Variants in MTCL3 observed in about 807,000 individuals in gnomAD.
MTCL3 encodes the protein microtubule cross-linking factor 3.
chr6:127,510,922 G>T, the MTCL3 span, among the ~76,000 whole-genome samples: 3 of 152,126 alleles, frequency 2.0e-5, no homozygotes, highest in Non-Finnish European at 2.9e-5. Context: ...ATTTACAGAG[G>T]TAATCAAATT....
At chr6:127,476,351 T>G in the MTCL3 span, 3 of 1,614,224 alleles carry the variant, frequency 1.9e-6, no homozygotes, top group Non-Finnish European at 2.5e-6. This position sits in a 1 kb window ranked among gnomAD's most constrained non-coding sequence, Gnocchi z 4.4. Flanking sequence ...GATCTGTACT[T>G]CTGGAGCTCG....
chr6:127,486,961 A>C, the MTCL3 span, among the ~76,000 whole-genome samples: 1 of 152,220 alleles, frequency 6.6e-6, no homozygotes, highest in Admixed American at 6.5e-5. Context: ...TGATAAAATT[A>C]AAGAGAGATT....
chr6:127,518,107 G>A, the MTCL3 span, among the ~76,000 whole-genome samples: 4 of 152,106 alleles, frequency 2.6e-5, no homozygotes, highest in African/African-American at 9.7e-5. Context: ...AAATATAAAG[G>A]TGAACAAAGA....
the MTCL3 span, among the ~76,000 whole-genome samples, chr6:127,489,453 G>C: frequency 6.6e-6 from 1 of 152,212 alleles, no homozygotes; most frequent in East Asian, 1.9e-4. Flanking sequence ...GGTGACGTAG[G>C]CATGTCCAAA....
chr6:127,482,811 G>T, the MTCL3 span: 1 of 838,652 alleles, frequency 1.2e-6, no homozygotes, highest in Non-Finnish European at 1.8e-6. This position sits in a 1 kb window ranked among gnomAD's most constrained non-coding sequence, Gnocchi z 4.1. Flanking sequence ...ACTTTGTTTT[G>T]CATAAGTTTA....
the MTCL3 span, chr6:127,483,124 A>T: frequency 8.1e-6 from 5 of 617,456 alleles, no homozygotes; most frequent in African/African-American, 9.6e-5. Flanking sequence ...GGAGGAAAAA[A>T]AATCCTAAAC....
chr6:127,515,502 C>T, the MTCL3 span: 4 of 1,427,362 alleles, frequency 2.8e-6, no homozygotes, highest in Non-Finnish European at 3.7e-6. The surrounding 1 kb of genome is among the most constrained non-coding windows in gnomAD (Gnocchi z 4.3). Context: ...CGGGTCCCCC[C>T]ACCCTCCTCA....
At chr6:127,516,690 C>T in the MTCL3 span, 7 of 1,516,006 alleles carry the variant, frequency 4.6e-6, no homozygotes, top group Non-Finnish European at 6.2e-6. Context: ...CGCCGCCAAC[C>T]TTCCTTCCTA....
chr6:127,503,850 C>T, the MTCL3 span, among the ~76,000 whole-genome samples: 4 of 152,158 alleles, frequency 2.6e-5, no homozygotes, highest in Non-Finnish European at 5.9e-5. Flanking sequence ...ATGGAAAGAG[C>T]CCTGGTTCAC....
chr6:127,498,403 C>G, the MTCL3 span, among the ~76,000 whole-genome samples: 17 of 152,050 alleles, frequency 1.1e-4, no homozygotes, highest in African/African-American at 4.1e-4. Context: ...GCCCAGTGGA[C>G]TAACAATAAT....
At chr6:127,493,879 A>G in the MTCL3 span, among the ~76,000 whole-genome samples, 4 of 152,134 alleles carry the variant, frequency 2.6e-5, no homozygotes, top group Admixed American at 1.3e-4. Flanking sequence ...TTCTTTTCCC[A>G]TGTGATAAAG....
chr6:127,515,815 T>C, the MTCL3 span: 1 of 1,608,610 alleles, frequency 6.2e-7, no homozygotes, highest in South Asian at 1.1e-5. This position sits in a 1 kb window ranked among gnomAD's most constrained non-coding sequence, Gnocchi z 4.3. Flanking sequence ...TGCCGCCCGC[T>C]CCTTCTTGAG....
the MTCL3 span, among the ~76,000 whole-genome samples, chr6:127,477,389 T>C: frequency 6.6e-6 from 1 of 152,340 alleles, no homozygotes; most frequent in South Asian, 2.1e-4. Context: ...CTGAAGCATG[T>C]TATTATGTCT....
At chr6:127,490,266 T>C in the MTCL3 span, among the ~76,000 whole-genome samples, 1 of 152,198 alleles carries the variant, frequency 6.6e-6, no homozygotes, top group East Asian at 1.9e-4. Flanking sequence ...AAAAGATTAC[T>C]GCTCGTTGAT....
At chr6:127,507,458 G>A in the MTCL3 span, among the ~76,000 whole-genome samples, 213 of 152,206 alleles carry the variant, frequency 1.4e-3, 1 homozygote, top group African/African-American at 4.9e-3. Context: ...TCTAATGGGG[G>A]CTTGGCATCT....
the MTCL3 span, among the ~76,000 whole-genome samples, chr6:127,501,812 T>C: frequency 6.6e-6 from 1 of 152,194 alleles, no homozygotes; most frequent in African/African-American, 2.4e-5. Context: ...TAAAGATCAA[T>C]TTAACTGATC....
At chr6:127,479,170 A>G in the MTCL3 span, among the ~76,000 whole-genome samples, 1 of 152,138 alleles carries the variant, frequency 6.6e-6, no homozygotes, top group South Asian at 2.1e-4. Flanking sequence ...CAAGGGGTGG[A>G]TTATTCATGC....
chr6:127,474,774 T>A, the MTCL3 span, among the ~76,000 whole-genome samples: 65 of 152,212 alleles, frequency 4.3e-4, no homozygotes, highest in Non-Finnish European at 8.5e-4. Flanking sequence ...GAGACGGATC[T>A]TGCCTTGCTG....
At chr6:127,478,223 G>A in the MTCL3 span, among the ~76,000 whole-genome samples, 9 of 152,108 alleles carry the variant, frequency 5.9e-5, no homozygotes, top group Admixed American at 1.3e-4. Context: ...TTGAGTTGAG[G>A]GGTCTCATTG....
Sources: gnomAD v4.1 joint callset for allele counts (sites outside exome capture counted in the v4.1 genomes callset) on GRCh38, gnomAD v4.1.1 for gene constraint, Gnocchi (gnomAD v3.1) non-coding constraint, MANE v1.5 for transcripts, NCBI Gene and HGNC (gene_info 2026-07-23, HGNC 2026-07-21) for gene names.